Variants in UBA3 observed in about 807,000 individuals in gnomAD.
The protein encoded by UBA3 is ubiquitin like modifier activating enzyme 3.
A neutral mutation model predicts 73.5 loss-of-function variants in UBA3; 26 were observed. That is an observed-to-expected ratio of 0.35 (90% CI 0.26 to 0.49). UBA3 has a LOEUF of 0.49. UBA3 is among the 20% of genes least tolerant of loss of function. UBA3 has a pLI of 0.98. For synonymous variants in UBA3, 217 were observed against 191.2 expected (o/e 1.13, Z -1.11); for missense variants, 495 against 555.6 (o/e 0.89, Z 1.10).
intron 12 of UBA3, 110 bp downstream of exon 12, chr3:69,057,146 T>G: frequency 8.6e-7 from 1 of 1,156,528 alleles, no homozygotes. Flanking sequence ...ACAGCTTAGT[T>G]ACACAACCCA....
chr3:69,076,306 A>C (rs1166983747), intron 3 of UBA3: 1 of 152,196 alleles, frequency 6.6e-6, no homozygotes, highest in Non-Finnish European at 1.5e-5. Flanking sequence ...TGGGAGGCTG[A>C]GGTGGGTGGA....
chr3:69,062,913 GA>G, intron 9 of UBA3, 68 bp downstream of exon 9: 1 of 1,543,534 alleles, frequency 6.5e-7, no homozygotes, highest in South Asian at 1.2e-5. Context: ...ATATTAACTA[GA>G]CTTAATAATT....
At position 69,063,123 on chromosome 3, in the gene UBA3, A is replaced by G. The variant is rs1298225865; in HGVS notation, c.552T>C (p.Asn184=). The change falls in exon 9 of 18, where the codon AAT becomes AAC. Residue 184 remains asparagine, a synonymous_variant. Coordinates refer to ENST00000361055, the MANE Select transcript of UBA3 (RefSeq NM_003968.4). ...WINGMLISLL[N]YEDGVLDPSS... is the part of the protein sequence containing the mutation. Reference sequence around the variant, plus strand: ...TTGGATCTAAGACACCATCTTCATAATTTAGAAGAGATATCTAGGAAAACA... The same window carrying G: ...TTGGATCTAAGACACCATCTTCATAGTTTAGAAGAGATATCTAGGAAAACA... 2.5e-6 allele frequency: 4 copies of G among 1,613,876 alleles called. No individual in the cohort carries two copies. Among genetic ancestry groups the G allele is most frequent in the Non-Finnish European group, 3.4e-6 (4 of 1,179,924 alleles).
rs376396597 is a variant in UBA3, at chr3:69,063,159, C to T, written c.538-22G>A. 6 of 1,611,796 alleles carry T rather than the reference C, an allele frequency of 3.7e-6. No individual in the cohort carries two copies. The African/African-American group carries it at 4.0e-5, about 11-fold the overall frequency. On this transcript the variant is annotated intron_variant, in intron 8 of 17. Transcript: ENST00000361055. ...ATATCTAGGAAAACAATTTGAAGGG[C>T]TTTAAAGGAGAAGGGGATAAGAATT...
intron 16 of UBA3, 45 bp downstream of exon 16, chr3:69,055,955 C>T: frequency 2.5e-6 from 4 of 1,592,210 alleles, no homozygotes; most frequent in Non-Finnish European, 2.6e-6. Context: ...TAAAATAAAA[C>T]TTGATATAAT....
intron 12 of UBA3, 87 bp downstream of exon 12, chr3:69,057,169 T>C: frequency 7.4e-7 from 1 of 1,352,742 alleles, no homozygotes; most frequent in Non-Finnish European, 1.0e-6. Flanking sequence ...CAAGAAGATA[T>C]CAAATTCCTA....
intron 11 of UBA3, 27 bp downstream of exon 11, chr3:69,061,787 A>G: frequency 1.4e-6 from 2 of 1,469,458 alleles, no homozygotes; most frequent in Non-Finnish European, 1.9e-6. Flanking sequence ...TCCCAACATC[A>G]TAATTCATGA....
At chr3:69,062,247 T>A in intron 9 of UBA3, 68 bp from the exon 10 acceptor site, 1 of 1,023,914 alleles carries the variant, frequency 9.8e-7, no homozygotes, top group Non-Finnish European at 1.5e-6. Context: ...CTTCCAGTTA[T>A]GATCTAGTTC....
intron 4 of UBA3, 93 bp downstream of exon 4, chr3:69,075,337 G>C (rs2092156017): frequency 1.9e-6 from 1 of 526,810 alleles, no homozygotes; most frequent in Non-Finnish European, 2.8e-6. Flanking sequence ...AAAAGGTTAA[G>C]AATCACGAGA....
chr3:69,064,344 C>T (rs2092049253), intron 6 of UBA3, among the ~76,000 whole-genome samples: 1 of 152,142 alleles, frequency 6.6e-6, no homozygotes, highest in African/African-American at 2.4e-5. Context: ...ACCCCTATAT[C>T]ATTATATTTA....
rs759567074 is a variant in UBA3 at position 69,077,783 on chromosome 3, A to G, written c.183+15T>C. On this transcript the variant is annotated intron_variant, in intron 3 of 17. Coordinates refer to ENST00000361055, the MANE Select transcript of UBA3 (RefSeq NM_003968.4). ...AAACTATTAGAGCAGTTATTTAAAA[A>G]TAAACGTTTCTCACTTCAGTGCTCG... 3 of 1,605,936 alleles carry G rather than the reference A, an allele frequency of 1.9e-6. No homozygotes were observed. Among genetic ancestry groups the G allele is most frequent in the Non-Finnish European group, 1.7e-6 (2 of 1,176,314 alleles).
At chr3:69,063,308 A>G in intron 8 of UBA3, 131 bp downstream of exon 8, 1 of 1,243,484 alleles carries the variant, frequency 8.0e-7, no homozygotes, top group East Asian at 2.5e-5. Context: ...GACTGGCAAT[A>G]AACAATGAAG....
chr3:69,077,027 C>CA (rs138831521), intron 3 of UBA3, among the ~76,000 whole-genome samples: 40 of 138,860 alleles, frequency 2.9e-4, no homozygotes, highest in South Asian at 1.4e-3. Context: ...AATTATCAGG[C>CA]AAAAAAAAAA....
intron 4 of UBA3, among the ~76,000 whole-genome samples, chr3:69,073,473 T>C (rs2092138250): frequency 6.6e-6 from 1 of 152,194 alleles, no homozygotes; most frequent in Admixed American, 6.5e-5. Flanking sequence ...TCACACCATT[T>C]GACATACTAT....
intron 11 of UBA3, among the ~76,000 whole-genome samples, chr3:69,057,660 A>G (rs1046156451): frequency 1.3e-5 from 2 of 152,180 alleles, no homozygotes; most frequent in South Asian, 4.1e-4. Context: ...TCTGATTTTA[A>G]ACATAAGAAA....
intron 2 of UBA3, among the ~76,000 whole-genome samples, chr3:69,079,172 G>A (rs2092196562): frequency 2.0e-5 from 3 of 152,192 alleles, no homozygotes; most frequent in Admixed American, 6.5e-5. Context: ...TCATCTGCAG[G>A]CCGTTCATAG....
chr3:69,065,486 C>T (rs1193380101), intron 6 of UBA3, among the ~76,000 whole-genome samples: 1 of 152,184 alleles, frequency 6.6e-6, no homozygotes, highest in Non-Finnish European at 1.5e-5. Context: ...CCAGGCAACA[C>T]ACATAACTAT....
In UBA3 at chr3:69,080,323, C is replaced by T. The variant is rs538813236; in HGVS notation, c.20+11G>A. ...CCCAGCCCGGCGCGTCTGCAGAGCC[C>T]CGGTACTTACGGCTCCTCGCCATCC... On this transcript the variant is annotated intron_variant, in intron 1 of 17. Coordinates refer to ENST00000361055, the MANE Select transcript of UBA3 (RefSeq NM_003968.4). 53 of 1,604,266 alleles carry T rather than the reference C, an allele frequency of 3.3e-5. No homozygotes were observed. The highest frequency in any genetic ancestry group is 4.2e-5 in the Non-Finnish European group (49 of 1,177,356).
chr3:69,055,091 T>G lies in UBA3; in HGVS notation c.*346A>C, dbSNP rs2091961616. ...TTATTTTCCTTAAAGGGACACCTTT[T>G]GTGTATTTGGGTACTCAAATGAAAA... On this transcript the variant is annotated 3_prime_UTR_variant, in exon 18 of 18. Transcript: ENST00000361055. 1 of 168,244 alleles carries G rather than the reference T, an allele frequency of 5.9e-6. No individual in the cohort carries two copies. Among genetic ancestry groups the G allele is most frequent in the South Asian group, 1.9e-4 (1 of 5,160 alleles). 10.4% of individuals were successfully genotyped at this position (168,244 alleles called of 1,614,324 possible).
Sources: gnomAD v4.1 joint callset for allele counts (sites outside exome capture counted in the v4.1 genomes callset) on GRCh38, gnomAD v4.1.1 for gene constraint, MANE v1.5 for transcripts, NCBI Gene and HGNC (gene_info 2026-07-23, HGNC 2026-07-21) for gene names.